Variants in PLEKHH2 observed in about 807,000 individuals in gnomAD.
PLEKHH2 encodes pleckstrin homology, MyTH4 and FERM domain containing H2.
A neutral mutation model predicts 187.9 loss-of-function variants in PLEKHH2; 129 were observed. That is an observed-to-expected ratio of 0.69 (90% CI 0.59 to 0.79). The LOEUF is 0.79. Ranked by LOEUF, PLEKHH2 falls within the 30% of genes least tolerant of loss-of-function variation. The pLI is 0.00. For missense variants in PLEKHH2, 2,076 were observed against 1,751.2 expected (o/e 1.19, Z -3.31); for synonymous variants, 686 against 605.6 (o/e 1.13, Z -1.95).
intron 2 of PLEKHH2, among the ~76,000 whole-genome samples, chr2:43,648,542 C>T (rs555159627): frequency 6.9e-6 from 1 of 144,648 alleles, no homozygotes; most frequent in Admixed American, 7.2e-5. Flanking sequence ...GGGGAGGTGA[C>T]CTAAATGTAA....
In PLEKHH2 at chr2:43,753,759, A is replaced by G. The variant is rs1672095994; in HGVS notation, c.3794A>G (p.Gln1265Arg). The G allele has an allele frequency of 1.9e-6, 3 of 1,571,028 alleles. No homozygotes were observed. Among genetic ancestry groups the G allele is most frequent in the African/African-American group, 1.4e-5 (1 of 72,680 alleles). Residue 1265 changes from glutamine (Q) to arginine (R), a missense_variant and splice_region_variant, in exon 25 of 30, where the codon CAG (glutamine) becomes CGG (arginine). Coordinates refer to ENST00000282406, the MANE Select transcript of PLEKHH2 (RefSeq NM_172069.4). ...TTAGAAATGGCAGCTCTTTTATCTC[A>G]GGTAACTTCCATGTTATATGGAGTA... ...LALEMAALLS[Q>R]VEIGDFERPF...
rs1364941411 is a variant in PLEKHH2, at chr2:43,742,884, G to GTA, written c.3368_3369dup (p.Pro1124TyrfsTer6). 3 of 1,599,440 alleles carry GTA rather than the reference G, an allele frequency of 1.9e-6. No homozygotes were observed. In the East Asian group the frequency reaches 6.8e-5, roughly 36 times the overall value. On this transcript the variant is annotated frameshift_variant, in exon 22 of 30. Transcript: ENST00000282406. LOFTEE classifies it high-confidence loss of function. The stretch of plus-strand genomic sequence containing the variant: ...CCTTATCACCATTCTTTGCCCTTTA[G>GTA]TATACCTGTGCACTTCATGAATGGG...
rs750219948 is a variant in PLEKHH2 at position 43,710,105 on chromosome 2, T to C, written c.2082T>C (p.Ser694=). The change falls in exon 12 of 30, where the codon TCT becomes TCC. Residue 694 remains serine, a synonymous_variant. Transcript: ENST00000282406. ...PEQKLPKTCS[S]SSDNGKNEPL... ...AGAAGCTCCCAAAAACTTGCTCATC[T>C]TCCAGTGATAATGGGAAAAATGTAA... is the stretch of plus-strand genomic sequence containing the variant. The C allele has an allele frequency of 6.2e-7, 1 of 1,613,000 alleles. No individual in the cohort carries two copies. The highest frequency in any genetic ancestry group is 2.2e-5 in the East Asian group (1 of 44,886).
intron 15 of PLEKHH2, among the ~76,000 whole-genome samples, chr2:43,719,577 C>A (rs947392659): frequency 4.6e-5 from 7 of 152,140 alleles, no homozygotes; most frequent in African/African-American, 1.7e-4. Flanking sequence ...GTAGCTGGAA[C>A]TACAGATGTC....
At chr2:43,725,540 G>A (rs1012784241) in intron 16 of PLEKHH2, among the ~76,000 whole-genome samples, 3 of 152,186 alleles carry the variant, frequency 2.0e-5, no homozygotes, top group African/African-American at 7.2e-5. Flanking sequence ...TAGAAAAGGA[G>A]CTATCTTTGA....
chr2:43,711,078 G>T (rs1359276254), intron 14 of PLEKHH2: 2 of 986,362 alleles, frequency 2.0e-6, no homozygotes, highest in Non-Finnish European at 2.4e-6. Context: ...GGCAGCTGCT[G>T]CCCATTTTAC....
intron 22 of PLEKHH2, among the ~76,000 whole-genome samples, chr2:43,743,584 G>A (rs990147264): frequency 1.3e-5 from 2 of 152,114 alleles, no homozygotes; most frequent in African/African-American, 4.8e-5. Flanking sequence ...ATTTATAGCT[G>A]TCAACTGATC....
At chr2:43,684,916 A>G (rs1301806103) in intron 3 of PLEKHH2, among the ~76,000 whole-genome samples, 4 of 151,854 alleles carry the variant, frequency 2.6e-5, no homozygotes, top group Non-Finnish European at 5.9e-5. Context: ...AACACTTTAA[A>G]TTTATTTACT....
intron 5 of PLEKHH2, 26 bp from the exon 6 acceptor site, chr2:43,695,117 A>G: frequency 7.4e-7 from 1 of 1,348,850 alleles, no homozygotes; most frequent in Non-Finnish European, 1.0e-6. Context: ...TCTCTATATG[A>G]AAAGAATACC....
At chr2:43,653,920 T>G (rs995563034) in intron 2 of PLEKHH2, among the ~76,000 whole-genome samples, 1 of 152,230 alleles carries the variant, frequency 6.6e-6, no homozygotes, top group South Asian at 2.1e-4. Context: ...ACAATAATAC[T>G]ATTTCTGAAC....
intron 23 of PLEKHH2, 159 bp downstream of exon 23, chr2:43,744,148 T>C (rs1671682464): frequency 1.4e-6 from 2 of 1,382,188 alleles, no homozygotes; most frequent in Non-Finnish European, 9.4e-7. Flanking sequence ...AGGACTTTGT[T>C]AAACCCATAG....
intron 2 of PLEKHH2, among the ~76,000 whole-genome samples, chr2:43,670,417 G>A (rs940066940): frequency 6.6e-6 from 1 of 152,154 alleles, no homozygotes; most frequent in African/African-American, 2.4e-5. Context: ...TAGGGAGATT[G>A]TAGTATGTGA....
Position 43,658,194 on chromosome 2 carries a change from A to G in PLEKHH2, c.123+13398A>G, listed in dbSNP as rs182586281. 2.4e-4 allele frequency among the ~76,000 whole-genome samples: 37 copies of G among 152,250 alleles called. No individual in the cohort carries two copies. The East Asian group carries it at 7.1e-3, about 29-fold the overall frequency. ...CTTTCAGCATAATTGTGCTATTCCT[A>G]TTTACTCACTTGTTTTCTTCTGCTC... is the stretch of plus-strand genomic sequence containing the variant. On this transcript the variant is annotated intron_variant, in intron 2 of 29. Coordinates refer to ENST00000282406, the MANE Select transcript of PLEKHH2 (RefSeq NM_172069.4).
At chr2:43,756,601 G>C in intron 25 of PLEKHH2, among the ~76,000 whole-genome samples, 1 of 152,140 alleles carries the variant, frequency 6.6e-6, no homozygotes, top group Non-Finnish European at 1.5e-5. Context: ...AACTAGGAAG[G>C]TTAATGTAGA....
At chr2:43,750,220 C>T (rs189662023) in intron 24 of PLEKHH2, among the ~76,000 whole-genome samples, 5 of 152,336 alleles carry the variant, frequency 3.3e-5, no homozygotes, top group African/African-American at 1.2e-4. Flanking sequence ...CGCCTGTAAT[C>T]CCAGCACTTT....
chr2:43,650,932 A>G (rs1666438689), intron 2 of PLEKHH2, among the ~76,000 whole-genome samples: 1 of 151,984 alleles, frequency 6.6e-6, no homozygotes. Flanking sequence ...GGCATGAGCC[A>G]CCGCGCCTGG....
chr2:43,728,356 G>A (rs187995781), intron 17 of PLEKHH2, among the ~76,000 whole-genome samples: 1 of 151,128 alleles, frequency 6.6e-6, no homozygotes, highest in African/African-American at 2.4e-5. Context: ...ACAGGTTCCT[G>A]TAATCCCAGC....
intron 24 of PLEKHH2, among the ~76,000 whole-genome samples, chr2:43,749,410 C>T (rs1329062554): frequency 1.3e-5 from 2 of 152,172 alleles, no homozygotes; most frequent in African/African-American, 4.8e-5. Context: ...CCGTAAAATG[C>T]GTAAAACCAA....
intron 20 of PLEKHH2, among the ~76,000 whole-genome samples, chr2:43,739,117 C>G (rs982763649): frequency 6.6e-6 from 1 of 152,186 alleles, no homozygotes; most frequent in South Asian, 2.1e-4. Context: ...CCTCGAACTC[C>G]TGATCTCAGG....
Sources: allele counts gnomAD v4.1 joint callset (sites outside exome capture counted in the v4.1 genomes callset), GRCh38; gene constraint gnomAD v4.1.1; transcripts MANE v1.5; gene names NCBI Gene and HGNC (gene_info 2026-07-23, HGNC 2026-07-21).